PRKCQ: variants seen among roughly 807,000 people sequenced by gnomAD.
PRKCQ encodes the protein protein kinase C theta type.
Under a neutral mutation model 91.2 loss-of-function variants are expected in PRKCQ, and 41 were observed. The ratio of observed to expected loss-of-function variants is 0.45; its 90% CI spans 0.35 to 0.58. PRKCQ has a LOEUF of 0.58. Ranked by LOEUF, PRKCQ falls within the 20% of genes least tolerant of loss-of-function variation. The pLI is 0.00. For missense variants in PRKCQ, 673 were observed against 896.5 expected (o/e 0.75, Z 3.18); for synonymous variants, 307 against 316.9 (o/e 0.97, Z 0.33).
chr10:6,508,143 G>A (rs780253599), intron 3 of PRKCQ, among the ~76,000 whole-genome samples: 19 of 152,064 alleles, frequency 1.2e-4, no homozygotes, highest in Admixed American at 7.2e-4. Context: ...AGAAGAGGGC[G>A]GAACAAAGTG....
At chr10:6,474,326 G>A (rs927990521) in intron 12 of PRKCQ, among the ~76,000 whole-genome samples, 3 of 152,206 alleles carry the variant, frequency 2.0e-5, no homozygotes, top group Non-Finnish European at 4.4e-5. Context: ...GAACGACCCA[G>A]AGACAGAGCT....
intron 8 of PRKCQ, among the ~76,000 whole-genome samples, chr10:6,490,749 C>G (rs1415881130): frequency 6.6e-6 from 1 of 151,950 alleles, no homozygotes; most frequent in African/African-American, 2.4e-5. Flanking sequence ...GAGACCCTGT[C>G]TCAGAAAAAA....
intron 7 of PRKCQ, among the ~76,000 whole-genome samples, chr10:6,496,265 T>C (rs1283881092): frequency 6.7e-6 from 1 of 150,038 alleles, no homozygotes; most frequent in African/African-American, 2.5e-5. Flanking sequence ...TCTGCACTTG[T>C]ACCTCCTAAA....
the PRKCQ span, among the ~76,000 whole-genome samples, chr10:6,409,959 C>T: frequency 7.2e-5 from 11 of 152,222 alleles, no homozygotes; most frequent in East Asian, 3.9e-4. Flanking sequence ...TTTGTTGCCA[C>T]GACAAACAGA....
intron 8 of PRKCQ, among the ~76,000 whole-genome samples, chr10:6,491,137 A>C (rs1837273541): frequency 6.6e-6 from 1 of 152,230 alleles, no homozygotes. Context: ...CTTACTGGGC[A>C]CTTGGAGTTC....
chr10:6,395,542 A>G, the PRKCQ span, among the ~76,000 whole-genome samples: 1 of 152,150 alleles, frequency 6.6e-6, no homozygotes, highest in Admixed American at 6.5e-5. Flanking sequence ...GAGGGTCAGA[A>G]TCCCGTAGCC....
In PRKCQ at chr10:6,547,267, T is replaced by C. The variant is rs531481478; in HGVS notation, c.-9-32123A>G. 1.9e-4 allele frequency among the ~76,000 whole-genome samples: 29 copies of C among 152,238 alleles called. No homozygotes were observed. In the South Asian group the frequency reaches 5.8e-3, roughly 31 times the overall value. ...CAAATGGACGAACATTCCATGCTCA[T>C]GGGTAGGAAGAATCAATATCGTGAA... On this transcript the variant is annotated intron_variant, in intron 1 of 17. Transcript: ENST00000263125.
At chr10:6,547,184 A>C (rs548628301) in intron 1 of PRKCQ, among the ~76,000 whole-genome samples, 1 of 152,320 alleles carries the variant, frequency 6.6e-6, no homozygotes, top group East Asian at 1.9e-4. Context: ...AGGGACGTGA[A>C]GGACCTCTTC....
chr10:6,563,922 G>A (rs530429162), intron 1 of PRKCQ, among the ~76,000 whole-genome samples: 3 of 152,306 alleles, frequency 2.0e-5, no homozygotes, highest in South Asian at 2.1e-4. Context: ...CGCAGAGGAG[G>A]GACACCTTGA....
At chr10:6,402,299 CG>C in the PRKCQ span, among the ~76,000 whole-genome samples, 7 of 142,108 alleles carry the variant, frequency 4.9e-5, no homozygotes, top group Admixed American at 1.5e-4. Context: ...AACAAAACTG[CG>C]TGTTCTGCAC....
intron 3 of PRKCQ, among the ~76,000 whole-genome samples, chr10:6,509,898 A>G (rs1428693480): frequency 6.6e-6 from 1 of 152,198 alleles, no homozygotes; most frequent in Admixed American, 6.5e-5. Context: ...CCATTTTTTT[A>G]GGTCAAAAAT....
intron 1 of PRKCQ, among the ~76,000 whole-genome samples, chr10:6,571,818 A>T (rs943454): frequency 0.47 from 72,109 of 151,930 alleles, 20,859 homozygotes; most frequent in Non-Finnish European, 0.62. Flanking sequence ...ACAAACAAAC[A>T]AACAAACCAA....
intron 1 of PRKCQ, among the ~76,000 whole-genome samples, chr10:6,521,424 A>T (rs1399105043): frequency 6.6e-6 from 1 of 152,184 alleles, no homozygotes; most frequent in Non-Finnish European, 1.5e-5. Context: ...CATACACTGA[A>T]CTGCTGGAGT....
chr10:6,399,832 G>T, the PRKCQ span, among the ~76,000 whole-genome samples: 2 of 151,804 alleles, frequency 1.3e-5, no homozygotes, highest in Non-Finnish European at 2.9e-5. Context: ...CATTCCTACA[G>T]GGTAGACAAT....
chr10:6,467,194 CTGGCCGA>C (rs1355521968), intron 12 of PRKCQ, among the ~76,000 whole-genome samples: 1 of 152,078 alleles, frequency 6.6e-6, no homozygotes, highest in Non-Finnish European at 1.5e-5. Context: ...GAACAGTTCT[CTGGCCGA>C]TGGCTCTCGA....
intron 8 of PRKCQ, chr10:6,489,522 C>T (rs372533687): frequency 6.5e-5 from 33 of 506,750 alleles, no homozygotes; most frequent in African/African-American, 1.7e-4. Flanking sequence ...CTTAAGACGA[C>T]GGCCTGCAAG....
At chr10:6,557,494 CTT>C (rs1427464956) in intron 1 of PRKCQ, among the ~76,000 whole-genome samples, 4 of 152,184 alleles carry the variant, frequency 2.6e-5, no homozygotes, top group Admixed American at 1.3e-4. Flanking sequence ...TCAGCTCACT[CTT>C]CAGCTTATTC....
intron 1 of PRKCQ, among the ~76,000 whole-genome samples, chr10:6,545,588 G>A (rs927071346): frequency 2.0e-5 from 3 of 152,204 alleles, no homozygotes; most frequent in Admixed American, 6.5e-5. Flanking sequence ...AACTTGGAAG[G>A]GGGGAAATGG....
At chr10:6,477,929 C>T (rs1564333635) in intron 12 of PRKCQ, among the ~76,000 whole-genome samples, 1 of 152,108 alleles carries the variant, frequency 6.6e-6, no homozygotes, top group African/African-American at 2.4e-5. Flanking sequence ...AAAGCCTCCG[C>T]CCCTTGTGTT....
Sources: gnomAD v4.1 joint callset for allele counts (sites outside exome capture counted in the v4.1 genomes callset) on GRCh38, gnomAD v4.1.1 for gene constraint, MANE v1.5 for transcripts, NCBI Gene and HGNC (gene_info 2026-07-23, HGNC 2026-07-21) for gene names.